The following COL25A1 variants were observed in gnomAD, a reference collection of about 807,000 sequenced individuals.
The protein encoded by COL25A1 is collagen alpha-1(XXV) chain.
A neutral mutation model predicts 128.4 loss-of-function variants in COL25A1; 103 were observed. The ratio of observed to expected loss-of-function variants is 0.80; its 90% CI spans 0.68 to 0.94. The LOEUF is 0.94. COL25A1 is among the 40% of genes least tolerant of loss of function. COL25A1 has a pLI of 0.00. For synonymous variants in COL25A1, 279 were observed against 277.2 expected (o/e 1.01, Z -0.06); for missense variants, 745 against 840.0 (o/e 0.89, Z 1.40).
At chr4:109,241,733 T>C (rs1425489601) in intron 3 of COL25A1, among the ~76,000 whole-genome samples, 1 of 151,980 alleles carries the variant, frequency 6.6e-6, no homozygotes, top group African/African-American at 2.4e-5. Flanking sequence ...TTACAGATGG[T>C]CTTAATTAAA....
chr4:109,222,845 T>C (rs1778520016), intron 3 of COL25A1, among the ~76,000 whole-genome samples: 1 of 152,250 alleles, frequency 6.6e-6, no homozygotes, highest in Non-Finnish European at 1.5e-5. Flanking sequence ...ATCCAACTTA[T>C]TGTTTAAATA....
rs35506597 is a variant in COL25A1, at chr4:108,895,938, CTTTTTTTTTTT to C, written c.906+718_906+728del. ...ATCATTCTTAAGCCTTATAATCAAA[CTTTTTTTTTTT>C]TTTTTTTTTTTTTTGAGACAGAGTC... On this transcript the variant is annotated intron_variant, in intron 16 of 37. Transcript: ENST00000399132. Among the ~76,000 whole-genome samples the C allele has an allele frequency of 4.4e-3, 312 of 70,836 alleles. 3 individuals carry two copies. Among genetic ancestry groups the C allele is most frequent in the African/African-American group, 0.016 (295 of 18,476 alleles). The allele number at this position is 70,836 out of a possible 152,430, so 46.5% of individuals were successfully genotyped here. A position where few individuals can be genotyped will look rare whatever the true frequency, so the allele number is the denominator to read the frequency against.
rs1170234091 is a variant in COL25A1, at chr4:108,811,104, TTATC to T, written c.*2819_*2822del. The T allele has an allele frequency of 2.6e-5, 4 of 152,110 alleles. No individual in the cohort carries two copies. Among genetic ancestry groups the T allele is most frequent in the Admixed American group, 2.0e-4 (3 of 15,272 alleles). The allele number at this position is 152,110 out of a possible 1,614,324, so 9.4% of individuals were successfully genotyped here. A position where few individuals can be genotyped will look rare whatever the true frequency, so the allele number is the denominator to read the frequency against. On this transcript the variant is annotated 3_prime_UTR_variant, in exon 38 of 38. Coordinates refer to ENST00000399132, the MANE Select transcript of COL25A1 (RefSeq NM_198721.4). ...TAAAGAAATCTTTAAGGAAAGTATA[TTATC>T]TATCAACACATATCAACAAACACAA...
intron 22 of COL25A1, among the ~76,000 whole-genome samples, chr4:108,861,913 G>A (rs1379113596): frequency 1.3e-5 from 2 of 152,120 alleles, no homozygotes; most frequent in Non-Finnish European, 2.9e-5. Context: ...CAATAACATT[G>A]ATCATAATAA....
At chr4:108,846,308 G>C (rs574899904) in intron 27 of COL25A1, 89 bp from the exon 28 acceptor site, 2 of 837,226 alleles carry the variant, frequency 2.4e-6, no homozygotes, top group Admixed American at 3.7e-5. Context: ...GATCAATTTC[G>C]TTAATAGGTG....
At chr4:109,280,116 TA>T (rs1350918760) in intron 3 of COL25A1, among the ~76,000 whole-genome samples, 1 of 152,216 alleles carries the variant, frequency 6.6e-6, no homozygotes, top group African/African-American at 2.4e-5. Flanking sequence ...TTAAAAATGT[TA>T]AACACTTCGC....
intron 3 of COL25A1, among the ~76,000 whole-genome samples, chr4:109,106,720 T>C (rs2126031218): frequency 6.6e-6 from 1 of 150,600 alleles, no homozygotes; most frequent in East Asian, 2.0e-4. Flanking sequence ...CACCAATCAC[T>C]TTGGGACTAT....
At position 108,846,807 on chromosome 4, in the gene COL25A1, GTC is replaced by G. The variant is rs1247792311; in HGVS notation, c.1435-590_1435-589del. On this transcript the variant is annotated intron_variant, in intron 27 of 37. Coordinates refer to ENST00000399132, the MANE Select transcript of COL25A1 (RefSeq NM_198721.4). The stretch of plus-strand genomic sequence containing the variant: ...AGTGTTCTTATTTTGTTCTCATGAT[GTC>G]TCTATGAGATGAGTCAGAATGGTAT... Among the ~76,000 whole-genome samples the G allele has an allele frequency of 1.3e-4, 20 of 152,076 alleles. No individual in the cohort carries two copies. The South Asian group carries it at 3.7e-3, about 28-fold the overall frequency.
At chr4:109,236,899 TA>T (rs891694983) in intron 3 of COL25A1, among the ~76,000 whole-genome samples, 36 of 151,104 alleles carry the variant, frequency 2.4e-4, no homozygotes, top group African/African-American at 7.5e-4. Flanking sequence ...TTTGCTCCTC[TA>T]AAAAAAAATT....
intron 3 of COL25A1, among the ~76,000 whole-genome samples, chr4:109,220,964 T>G (rs1385331505): frequency 1.3e-5 from 2 of 152,106 alleles, no homozygotes; most frequent in Non-Finnish European, 2.9e-5. Flanking sequence ...GAACCGAGAC[T>G]GAATAATGTG....
intron 3 of COL25A1, among the ~76,000 whole-genome samples, chr4:109,251,529 T>G (rs1780646197): frequency 6.6e-6 from 1 of 152,336 alleles, no homozygotes; most frequent in South Asian, 2.1e-4. Flanking sequence ...AATTTCCCCT[T>G]GCTAGTCAGG....
chr4:109,009,973 A>C (rs1756422241), intron 6 of COL25A1, among the ~76,000 whole-genome samples: 1 of 152,248 alleles, frequency 6.6e-6, no homozygotes, highest in Admixed American at 6.5e-5. Context: ...GTAGGATCAC[A>C]GTCTAAATAA....
At position 109,115,277 on chromosome 4, in the gene COL25A1, G is replaced by C. The variant is rs148095848; in HGVS notation, c.368-65098C>G. Among the ~76,000 whole-genome samples the C allele has an allele frequency of 1.6e-3, 249 of 152,158 alleles. 1 individual carries two copies. The highest frequency in any genetic ancestry group is 5.6e-3 in the African/African-American group (233 of 41,538). The stretch of plus-strand genomic sequence containing the variant: ...TTCTCCACTTCCAGATATTATTTTA[G>C]GTGACACTACAGGCAGTGAGAACTG... On this transcript the variant is annotated intron_variant, in intron 3 of 37. Coordinates refer to ENST00000399132, the MANE Select transcript of COL25A1 (RefSeq NM_198721.4).
At chr4:109,121,521 A>T (rs776511126) in intron 3 of COL25A1, among the ~76,000 whole-genome samples, 7 of 152,146 alleles carry the variant, frequency 4.6e-5, no homozygotes, top group Non-Finnish European at 8.8e-5. Flanking sequence ...AAACATATGA[A>T]AATTTCAGTG....
intron 37 of COL25A1, among the ~76,000 whole-genome samples, chr4:108,816,612 T>C (rs1731274985): frequency 6.6e-6 from 1 of 152,170 alleles, no homozygotes; most frequent in Non-Finnish European, 1.5e-5. Context: ...ACAGTTTTAC[T>C]GTTGCTTTCC....
Position 108,998,079 on chromosome 4 carries a change from C to T in COL25A1, c.438+12279G>A, listed in dbSNP as rs889417855. On this transcript the variant is annotated intron_variant, in intron 6 of 37. Coordinates refer to ENST00000399132, the MANE Select transcript of COL25A1 (RefSeq NM_198721.4). ...AAAACTGGCACAAGACAAGAATGCC[C>T]CCTCTCACCATTCCCAATCAACATA... is the stretch of plus-strand genomic sequence containing the variant. Among the ~76,000 whole-genome samples, 5 of 152,126 alleles carry T rather than the reference C, an allele frequency of 3.3e-5. No homozygotes were observed. The East Asian group carries it at 9.6e-4, about 29-fold the overall frequency.
chr4:109,085,815 C>A (rs541960578), intron 3 of COL25A1, among the ~76,000 whole-genome samples: 1 of 152,076 alleles, frequency 6.6e-6, no homozygotes, highest in Non-Finnish European at 1.5e-5. Context: ...TACTGCCTAG[C>A]CCATAAAAGT....
chr4:109,096,715 A>G (rs1252380112), intron 3 of COL25A1, among the ~76,000 whole-genome samples: 1 of 152,234 alleles, frequency 6.6e-6, no homozygotes, highest in Non-Finnish European at 1.5e-5. Context: ...ACTTTTCATA[A>G]GTTCAATTTC....
In COL25A1 at chr4:109,192,384, G is replaced by A. The variant is rs141035207; in HGVS notation, c.367+108199C>T. Reference sequence around the variant, plus strand: ...TGATGAACTGACTACAGTTATCAGCGGGAACAGGCAGTGTTATAGGCTGAG... The same window carrying A: ...TGATGAACTGACTACAGTTATCAGCAGGAACAGGCAGTGTTATAGGCTGAG... On this transcript the variant is annotated intron_variant, in intron 3 of 37. Coordinates refer to ENST00000399132, the MANE Select transcript of COL25A1 (RefSeq NM_198721.4). Among the ~76,000 whole-genome samples, 573 of 152,278 alleles carry A rather than the reference G, an allele frequency of 3.8e-3. 1 individual carries two copies. The highest frequency in any genetic ancestry group is 0.013 in the African/African-American group (526 of 41,548).
Sources: gnomAD v4.1 joint callset for allele counts (sites outside exome capture counted in the v4.1 genomes callset) on GRCh38, gnomAD v4.1.1 for gene constraint, MANE v1.5 for transcripts, NCBI Gene and HGNC (gene_info 2026-07-23, HGNC 2026-07-21) for gene names.